Variants in TTC8 observed in about 807,000 individuals in gnomAD.
The protein encoded by TTC8 is tetratricopeptide repeat domain 8.
In TTC8, 47 loss-of-function variants were observed where a neutral mutation model predicts 72.5. The ratio of observed to expected loss-of-function variants is 0.65; its 90% CI spans 0.51 to 0.83. TTC8 has a LOEUF of 0.83. Ranked by LOEUF, TTC8 falls within the 40% of genes least tolerant of loss-of-function variation. The pLI is 0.00. For synonymous variants in TTC8, 199 were observed against 221.4 expected (o/e 0.90, Z 0.90); for missense variants, 611 against 623.2 (o/e 0.98, Z 0.21).
rs560867743 is a variant in TTC8 at position 88,842,066 on chromosome 14, A to G, written c.579+552A>G. Among the ~76,000 whole-genome samples, 53 of 152,304 alleles carry G rather than the reference A, an allele frequency of 3.5e-4. No homozygotes were observed. In the Middle Eastern group the frequency reaches 0.01, roughly 29 times the overall value. ...GAAAATGAGAGGCAGAAGGAGAGGGAGAAAGGGAAAGAGAGGCAGAGGGAG... is the reference window on the plus strand; with the variant it reads ...GAAAATGAGAGGCAGAAGGAGAGGGGGAAAGGGAAAGAGAGGCAGAGGGAG... On this transcript the variant is annotated intron_variant, in intron 6 of 14. Coordinates refer to ENST00000380656, the MANE Select transcript of TTC8 (RefSeq NM_144596.4).
intron 6 of TTC8, among the ~76,000 whole-genome samples, chr14:88,842,928 A>G (rs2094788569): frequency 1.3e-5 from 2 of 150,200 alleles, no homozygotes. Context: ...TAACAGAACA[A>G]ATGGAAGGAT....
chr14:88,870,182 G>T lies in TTC8; in HGVS notation c.1033G>T (p.Ala345Ser). The stretch of plus-strand genomic sequence containing the variant: ...CTTCTATTCTGATCAGCCAGAAATA[G>T]CTCTCCGGTTTTACAGGTGCACTTC... ...NHFYSDQPEI[A>S]LRFYRRLLQM... Residue 345 changes from alanine (A) to serine (S), a missense_variant, in exon 11 of 15, where the codon GCT (alanine) becomes TCT (serine). By Grantham distance (99) the Ala-to-Ser change is moderately conservative. Coordinates refer to ENST00000380656, the MANE Select transcript of TTC8 (RefSeq NM_144596.4). 1 of 1,614,066 alleles carries T rather than the reference G, an allele frequency of 6.2e-7. No individual in the cohort carries two copies. The highest frequency in any genetic ancestry group is 8.5e-7 in the Non-Finnish European group (1 of 1,179,964).
rs892320885 is a variant in TTC8, at chr14:88,841,309, A to G, written c.489+113A>G. ...GTTATAGTGGAGAATTATATGGAAG[A>G]TTTTTGAAGGTGATTATTTTTATTT... On this transcript the variant is annotated intron_variant, in intron 5 of 14. Transcript: ENST00000380656. The G allele has an allele frequency of 3.3e-5, 52 of 1,583,054 alleles. No homozygotes were observed. The East Asian group carries it at 1.1e-3, about 33-fold the overall frequency.
At chr14:88,855,924 A>G (rs1789197647) in intron 8 of TTC8, among the ~76,000 whole-genome samples, 1 of 152,172 alleles carries the variant, frequency 6.6e-6, no homozygotes, top group African/African-American at 2.4e-5. Flanking sequence ...TTACCGAAAC[A>G]AAATACAAAA....
At chr14:88,838,107 T>G (rs2094761641) in intron 2 of TTC8, among the ~76,000 whole-genome samples, 1 of 152,226 alleles carries the variant, frequency 6.6e-6, no homozygotes, top group Non-Finnish European at 1.5e-5. Flanking sequence ...TTATTCCCAT[T>G]AAAATGAACG....
In TTC8 at chr14:88,870,189, G is replaced by A. The variant is rs1246614842; in HGVS notation, c.1040G>A (p.Arg347Gln). The change falls in exon 11 of 15, where the codon CGG (arginine) becomes CAG (glutamine). Residue 347 changes from arginine (R) to glutamine (Q), a missense_variant. By Grantham distance (43) the Arg-to-Gln change is conservative. Transcript: ENST00000380656. The part of the protein sequence containing the change: ...FYSDQPEIAL[R>Q]FYRRLLQMGI... ...TCTGATCAGCCAGAAATAGCTCTCCGGTTTTACAGGTGCACTTCACATCCA... is the reference window on the plus strand; with the variant it reads ...TCTGATCAGCCAGAAATAGCTCTCCAGTTTTACAGGTGCACTTCACATCCA... 24 of 1,613,868 alleles carry A rather than the reference G, an allele frequency of 1.5e-5. No individual in the cohort carries two copies. Among genetic ancestry groups the A allele is most frequent in the Middle Eastern group, 1.6e-4 (1 of 6,080 alleles).
intron 3 of TTC8, 79 bp downstream of exon 3, chr14:88,839,651 C>A: frequency 8.4e-6 from 12 of 1,422,172 alleles, no homozygotes; most frequent in Non-Finnish European, 1.1e-5. Context: ...ATATATATGC[C>A]TATATATTTC....
intron 14 of TTC8, among the ~76,000 whole-genome samples, chr14:88,877,083 C>A (rs1346129044): frequency 6.6e-6 from 1 of 151,700 alleles, no homozygotes; most frequent in African/African-American, 2.4e-5. Flanking sequence ...GAATTATAAT[C>A]TAGAATTCTA....
At chr14:88,846,459 G>A in intron 7 of TTC8, 1 of 506,906 alleles carries the variant, frequency 2.0e-6, no homozygotes, top group Middle Eastern at 2.9e-4. Context: ...AAGCATGCTT[G>A]GGTTGTTTAA....
At chr14:88,851,919 T>G (rs546551819) in intron 7 of TTC8, among the ~76,000 whole-genome samples, 1 of 152,262 alleles carries the variant, frequency 6.6e-6, no homozygotes, top group South Asian at 2.1e-4. Flanking sequence ...ACAGTAAGAT[T>G]AAGGAACTCG....
Position 88,825,951 on chromosome 14 carries a change from AT to A in TTC8, c.114+1135del, listed in dbSNP as rs1471650730. Among the ~76,000 whole-genome samples, 16 of 151,446 alleles carry A rather than the reference AT, an allele frequency of 1.1e-4. No individual in the cohort carries two copies. In the East Asian group the frequency reaches 3.1e-3, roughly 29 times the overall value. ...TAGGACTATATTTCTGTAGACAAGC[AT>A]TTTTCCAAGGTTTTTTTAAATTTTT... is the stretch of plus-strand genomic sequence containing the variant. On this transcript the variant is annotated intron_variant, in intron 1 of 14. Transcript: ENST00000380656.
chr14:88,866,289 G>C (rs1341725204), intron 10 of TTC8, among the ~76,000 whole-genome samples: 1 of 151,676 alleles, frequency 6.6e-6, no homozygotes, highest in Non-Finnish European at 1.5e-5. Context: ...ATCAAACAGG[G>C]AAAATAGTTG....
At chr14:88,827,648 T>C (rs561472831) in intron 1 of TTC8, among the ~76,000 whole-genome samples, 1 of 152,370 alleles carries the variant, frequency 6.6e-6, no homozygotes, top group South Asian at 2.1e-4. Context: ...ACTGTGCTGT[T>C]ATTACTCTAT....
chr14:88,845,015 T>C (rs1309978610), intron 7 of TTC8, among the ~76,000 whole-genome samples: 1 of 152,126 alleles, frequency 6.6e-6, no homozygotes, highest in Non-Finnish European at 1.5e-5. Flanking sequence ...TGTGAAGTTG[T>C]TACCAAGTAG....
intron 8 of TTC8, among the ~76,000 whole-genome samples, chr14:88,854,506 T>G (rs1028481942): frequency 2.6e-5 from 4 of 152,166 alleles, no homozygotes; most frequent in Non-Finnish European, 5.9e-5. Context: ...CAGTAAATAA[T>G]TACGGGTTAA....
downstream of TTC8, chr14:88,880,451 G>A (rs2094969834): frequency 6.6e-6 from 1 of 152,106 alleles, no homozygotes; most frequent in Admixed American, 6.6e-5. Flanking sequence ...CTTGCAATGT[G>A]ATCCTTTTCT....
intron 2 of TTC8, among the ~76,000 whole-genome samples, chr14:88,836,208 A>T (rs1379432127): frequency 2.0e-5 from 3 of 152,148 alleles, no homozygotes; most frequent in Non-Finnish European, 2.9e-5. Context: ...AGATATTCCT[A>T]GCCTTGGTGC....
rs1175220123 is a variant in TTC8, at chr14:88,877,748, C to T, written c.*338C>T. 5.2e-6 allele frequency: 1 copy of T among 191,428 alleles called. No homozygotes were observed. The highest frequency in any genetic ancestry group is 1.1e-5 in the Non-Finnish European group (1 of 92,474). 11.9% of individuals were successfully genotyped at this position (191,428 alleles called of 1,614,324 possible). On this transcript the variant is annotated 3_prime_UTR_variant, in exon 15 of 15. Coordinates refer to ENST00000380656, the MANE Select transcript of TTC8 (RefSeq NM_144596.4). ...TTTTATAAATGTACATTTTTTAAGT[C>T]CTTAAGCTGACTCTTAGCCATCATG...
intron 6 of TTC8, among the ~76,000 whole-genome samples, chr14:88,843,044 G>T (rs538691285): frequency 6.6e-6 from 1 of 152,026 alleles, no homozygotes; most frequent in Non-Finnish European, 1.5e-5. Context: ...ATTTTCCAGG[G>T]CTGTTAGCCT....
Sources: allele counts gnomAD v4.1 joint callset (sites outside exome capture counted in the v4.1 genomes callset), GRCh38; gene constraint gnomAD v4.1.1; transcripts MANE v1.5; gene names NCBI Gene and HGNC (gene_info 2026-07-23, HGNC 2026-07-21).